The following CCL25 variants were observed in gnomAD, a reference collection of about 807,000 sequenced individuals.
CCL25 encodes the protein C-C motif chemokine 25.
A neutral mutation model predicts 19.9 loss-of-function variants in CCL25; 14 were observed. The ratio of observed to expected loss-of-function variants is 0.70; its 90% CI spans 0.47 to 1.10. CCL25 has a LOEUF of 1.10. Ranked by LOEUF, CCL25 falls within the 50% of genes least tolerant of loss-of-function variation. The pLI, the probability that CCL25 is intolerant of heterozygous loss-of-function variation, is 0.00. For synonymous variants in CCL25, 68 were observed against 73.2 expected, an observed-to-expected ratio of 0.93 and a Z score of 0.36; for missense variants, 151 against 181.2, an observed-to-expected ratio of 0.83 and a Z score of 0.96.
intron 2 of CCL25, 91 bp downstream of exon 2, chr19:8,053,213 C>A: frequency 1.3e-6 from 1 of 750,686 alleles, no homozygotes; most frequent in South Asian, 2.1e-5. Flanking sequence ...CGGAAGTCTC[C>A]CCAATCCCAT....
At chr19:8,052,975 T>C in intron 1 of CCL25, 25 bp from the exon 2 acceptor site, 1 of 1,053,606 alleles carries the variant, frequency 9.5e-7, no homozygotes, top group Non-Finnish European at 1.4e-6. Flanking sequence ...TCCTCAGTCC[T>C]TACCACTTCC....
At chr19:8,056,062 C>T in intron 2 of CCL25, 90 bp from the exon 3 acceptor site, 3 of 831,586 alleles carry the variant, frequency 3.6e-6, no homozygotes, top group Non-Finnish European at 5.8e-6. Context: ...TATGAGCAGA[C>T]AGGTATGCAG....
intron 5 of CCL25, among the ~76,000 whole-genome samples, chr19:8,059,499 G>C (rs2081303718): frequency 6.6e-6 from 1 of 151,960 alleles, no homozygotes; most frequent in South Asian, 2.1e-4. Flanking sequence ...GTGTCCAGCT[G>C]ACATTGTCTA....
In CCL25 at chr19:8,052,839, A is replaced by C; in HGVS notation, c.-51+17A>C. ...TGGATATCGGTGAGTCTTTTCCTTG[A>C]ACATGACTGAGATGAACAGCTTTTC... is the stretch of plus-strand genomic sequence containing the variant. On this transcript the variant is annotated intron_variant, in intron 1 of 5. Transcript: ENST00000315626. 1.5e-5 allele frequency: 8 copies of C among 517,710 alleles called. No individual in the cohort carries two copies. The allele number at this position is 517,710 out of a possible 1,614,324, so 32.1% of individuals were successfully genotyped here. A position where few individuals can be genotyped will look rare whatever the true frequency, so the allele number is the denominator to read the frequency against.
intron 5 of CCL25, among the ~76,000 whole-genome samples, chr19:8,058,880 G>A (rs113630455): frequency 2.9e-5 from 4 of 139,490 alleles, no homozygotes; most frequent in East Asian, 2.0e-4. Context: ...GGATGGTCTC[G>A]ATCTCCTGAC....
chr19:8,060,925 C>T (rs928447545), intron 5 of CCL25, among the ~76,000 whole-genome samples: 14 of 151,644 alleles, frequency 9.2e-5, no homozygotes, highest in Non-Finnish European at 1.9e-4. Context: ...CATGATCCAC[C>T]AGCCTCAGCC....
intron 2 of CCL25, 70 bp downstream of exon 2, chr19:8,053,192 CTT>C (rs1478474962): frequency 2.4e-5 from 23 of 978,580 alleles, no homozygotes; most frequent in Non-Finnish European, 3.5e-5. Flanking sequence ...CCTTTTGTCT[CTT>C]ATCTCCTCCG....
upstream of CCL25, chr19:8,052,618 C>G (rs1345253916): frequency 6.3e-6 from 1 of 157,594 alleles, no homozygotes; most frequent in Non-Finnish European, 1.3e-5. Flanking sequence ...GCCTGTGGGT[C>G]GAGGTTGGAG....
intron 2 of CCL25, among the ~76,000 whole-genome samples, chr19:8,053,612 G>A (rs1392666624): frequency 4.7e-5 from 7 of 149,338 alleles, no homozygotes; most frequent in East Asian, 4.0e-4. Context: ...GCAGTGGCGC[G>A]ATCTTGGCTC....
intron 5 of CCL25, among the ~76,000 whole-genome samples, chr19:8,058,795 A>G (rs2081293878): frequency 7.2e-6 from 1 of 139,786 alleles, no homozygotes; most frequent in Admixed American, 8.5e-5. Context: ...AGTAGCTGGG[A>G]CTACAGGCGC....
At chr19:8,053,328 GC>G (rs985386997) in intron 2 of CCL25, among the ~76,000 whole-genome samples, 39 of 152,188 alleles carry the variant, frequency 2.6e-4, no homozygotes, top group African/African-American at 9.4e-4. Context: ...TTCTTCGAGA[GC>G]CCCATGGAGT....
intron 2 of CCL25, 40 bp from the exon 3 acceptor site, chr19:8,056,112 A>AT: frequency 2.9e-6 from 4 of 1,379,976 alleles, no homozygotes; most frequent in African/African-American, 1.4e-5. Flanking sequence ...CCAAGTTAAC[A>AT]TGCAAGGGTG....
At position 8,053,125 on chromosome 19, in the gene CCL25, A is replaced by G; in HGVS notation, c.73+3A>G. 6.4e-7 allele frequency: 1 copy of G among 1,550,834 alleles called. No homozygotes were observed. Among genetic ancestry groups the G allele is most frequent in the Non-Finnish European group, 8.7e-7 (1 of 1,146,152 alleles). ...GGCCCCCGCTGTCCACACCCAAGGT[A>G]CTGTGTTCGGCAATGCCTACCACCA... is the stretch of plus-strand genomic sequence containing the variant. On this transcript the variant is annotated splice_donor_region_variant and intron_variant, in intron 2 of 5. Coordinates refer to ENST00000315626, the MANE Select transcript of CCL25 (RefSeq NM_005624.4).
intron 5 of CCL25, among the ~76,000 whole-genome samples, chr19:8,059,131 ATATATAT>A (rs1237870009): frequency 3.7e-5 from 3 of 81,756 alleles, no homozygotes; most frequent in Admixed American, 3.9e-4. Context: ...ATATATATAA[ATATATAT>A]TATATAATAT....
At chr19:8,056,093 C>G in intron 2 of CCL25, 59 bp from the exon 3 acceptor site, 1 of 1,179,136 alleles carries the variant, frequency 8.5e-7, no homozygotes, top group Non-Finnish European at 1.2e-6. Flanking sequence ...TTGCCTGTGG[C>G]TGGCCCTGCC....
intron 5 of CCL25, among the ~76,000 whole-genome samples, chr19:8,058,343 T>C (rs567095015): frequency 0.053 from 4,615 of 86,444 alleles, 204 homozygotes; most frequent in Middle Eastern, 0.09. Context: ...TAAATATATA[T>C]AATATATATA....
In CCL25 at chr19:8,056,274, G is replaced by T. The variant is rs1351644562; in HGVS notation, c.191+5G>T. ...CTGCAATCTGCCTGCTGCGATGTGA[G>T]TGGGGCCGTGGGGGCTGGGGGGGTG... On this transcript the variant is annotated splice_donor_5th_base_variant and intron_variant, in intron 3 of 5. Coordinates refer to ENST00000315626, the MANE Select transcript of CCL25 (RefSeq NM_005624.4). The T allele has an allele frequency of 1.9e-6, 3 of 1,596,234 alleles. No individual in the cohort carries two copies. Among genetic ancestry groups the T allele is most frequent in the South Asian group, 1.1e-5 (1 of 89,640 alleles).
intron 5 of CCL25, among the ~76,000 whole-genome samples, chr19:8,061,036 A>C (rs2145300560): frequency 8.4e-6 from 1 of 119,734 alleles, no homozygotes; most frequent in South Asian, 2.7e-4. Context: ...CCCAGGTTGG[A>C]GTGCATGGTG....
At position 8,062,464 on chromosome 19, in the gene CCL25, G is replaced by C; in HGVS notation, c.*239G>C. The C allele has an allele frequency of 3.6e-6, 2 of 556,862 alleles. No homozygotes were observed. The highest frequency in any genetic ancestry group is 4.4e-5 in the South Asian group (2 of 45,916). The allele number at this position is 556,862 out of a possible 1,614,324, so 34.5% of individuals were successfully genotyped here. Reference sequence around the variant, plus strand: ...GCTCCGGGGACCAGCAGCAATCCTGGGCAGCCAGTGGCTCTTGTAGAGAAG... The same window carrying C: ...GCTCCGGGGACCAGCAGCAATCCTGCGCAGCCAGTGGCTCTTGTAGAGAAG... On this transcript the variant is annotated 3_prime_UTR_variant, in exon 6 of 6. Coordinates refer to ENST00000315626, the MANE Select transcript of CCL25 (RefSeq NM_005624.4).
Sources: allele counts gnomAD v4.1 joint callset (sites outside exome capture counted in the v4.1 genomes callset), GRCh38; gene constraint gnomAD v4.1.1; transcripts MANE v1.5; gene names NCBI Gene and HGNC (gene_info 2026-07-23, HGNC 2026-07-21).